FBN1: variants seen among roughly 807,000 people sequenced by gnomAD.
FBN1 encodes the protein fibrillin 1.
Under a neutral mutation model 365.1 loss-of-function variants are expected in FBN1, and 29 were observed. The observed-to-expected ratio is 0.08, with a 90% CI of 0.06 to 0.11. The LOEUF (loss-of-function observed/expected upper bound fraction) is 0.11. Among genes scored for constraint, FBN1 ranks in the 10% least tolerant of loss-of-function variants. FBN1 has a pLI of 1.00. For synonymous variants in FBN1, 1,210 were observed against 1,270.5 expected (o/e 0.95, Z 1.01); for missense variants, 2,476 against 3,703.2 (o/e 0.67, Z 8.60).
In FBN1 at chr15:48,410,653, C is replaced by G; in HGVS notation, c.*337G>C. On this transcript the variant is annotated 3_prime_UTR_variant, in exon 66 of 66. Coordinates refer to ENST00000316623, the MANE Select transcript of FBN1 (RefSeq NM_000138.5). ...ACAAATTTGCAAAAAATAGAGTAGTCCATCAATTGAAAGCACATTCCCGTA... is the reference window on the plus strand; with the variant it reads ...ACAAATTTGCAAAAAATAGAGTAGTGCATCAATTGAAAGCACATTCCCGTA... 3.7e-6 allele frequency: 1 copy of G among 272,022 alleles called. No individual in the cohort carries two copies. The allele number at this position is 272,022 out of a possible 1,614,324, so 16.9% of individuals were successfully genotyped here.
chr15:48,477,570 G>A (rs1378364726), intron 32 of FBN1, among the ~76,000 whole-genome samples: 1 of 152,122 alleles, frequency 6.6e-6, no homozygotes, highest in Non-Finnish European at 1.5e-5. Flanking sequence ...TGTTTCTGTG[G>A]CAGACTTGGA....
At chr15:48,616,491 C>A (rs1889656353) in intron 2 of FBN1, among the ~76,000 whole-genome samples, 1 of 152,122 alleles carries the variant, frequency 6.6e-6, no homozygotes, top group African/African-American at 2.4e-5. Flanking sequence ...AGCTCTAATT[C>A]TGGAAATAAA....
At chr15:48,479,338 T>C (rs1299495512) in intron 32 of FBN1, among the ~76,000 whole-genome samples, 1 of 152,208 alleles carries the variant, frequency 6.6e-6, no homozygotes, top group Non-Finnish European at 1.5e-5. Context: ...GTCAGGGCTG[T>C]TACTTACCCA....
At chr15:48,484,974 G>A (rs557814590) in intron 30 of FBN1, among the ~76,000 whole-genome samples, 3 of 152,114 alleles carry the variant, frequency 2.0e-5, no homozygotes, top group Non-Finnish European at 2.9e-5. Context: ...TTTCTGATAC[G>A]GTAGATCTGG....
chr15:48,584,113 A>T (rs1320016135), intron 6 of FBN1, among the ~76,000 whole-genome samples: 1 of 152,192 alleles, frequency 6.6e-6, no homozygotes, highest in African/African-American at 2.4e-5. Context: ...TTTTCATGTG[A>T]ATTTAAAATA....
At chr15:48,596,422 A>G (rs2044516678) in intron 5 of FBN1, 44 bp from the exon 6 acceptor site, 1 of 1,552,510 alleles carries the variant, frequency 6.4e-7, no homozygotes, top group Non-Finnish European at 8.9e-7. Flanking sequence ...CTGAAAATAA[A>G]TGCTAATGAA....
chr15:48,606,558 T>G (rs568283793), intron 4 of FBN1, among the ~76,000 whole-genome samples: 4 of 152,168 alleles, frequency 2.6e-5, no homozygotes, highest in Admixed American at 1.3e-4. Context: ...GTAGAACAGA[T>G]TAGTGGTTGT....
intron 18 of FBN1, 50 bp downstream of exon 18, chr15:48,498,935 T>C: frequency 1.3e-6 from 2 of 1,557,560 alleles, no homozygotes; most frequent in Non-Finnish European, 1.8e-6. Flanking sequence ...GAAAGCCTGA[T>C]GCTGCCTCTG....
At chr15:48,432,744 ATT>A in intron 55 of FBN1, 120 bp downstream of exon 55, 1 of 1,307,502 alleles carries the variant, frequency 7.6e-7, no homozygotes, top group African/African-American at 1.4e-5. Flanking sequence ...CAACCCCCGT[ATT>A]GTCCACGGAC....
At chr15:48,432,089 G>C (rs936598217) in intron 55 of FBN1, among the ~76,000 whole-genome samples, 1 of 151,866 alleles carries the variant, frequency 6.6e-6, no homozygotes, top group African/African-American at 2.4e-5. Flanking sequence ...GGACTTGGTT[G>C]GGCCTTCCTC....
intron 26 of FBN1, 38 bp downstream of exon 26, chr15:48,488,330 A>C (rs760112596): frequency 6.2e-7 from 1 of 1,614,194 alleles, no homozygotes; most frequent in South Asian, 1.1e-5. Context: ...GTTTTAAAGG[A>C]CGTCCCCTCT....
intron 4 of FBN1, among the ~76,000 whole-genome samples, chr15:48,607,527 T>TATA (rs34734641): frequency 6.8e-6 from 1 of 146,524 alleles, no homozygotes; most frequent in Non-Finnish European, 1.5e-5. Flanking sequence ...AGTATCCTTA[T>TATA]AAAAAAAAAA....
chr15:48,484,102 T>C (rs1391297332), intron 30 of FBN1, among the ~76,000 whole-genome samples, 159 bp from the exon 31 acceptor site: 1 of 152,204 alleles, frequency 6.6e-6, no homozygotes, highest in Non-Finnish European at 1.5e-5. Context: ...GCCCATTGGG[T>C]TATCCTTGGT....
At chr15:48,543,629 A>G (rs921758248) in intron 6 of FBN1, among the ~76,000 whole-genome samples, 2 of 152,198 alleles carry the variant, frequency 1.3e-5, no homozygotes, top group African/African-American at 2.4e-5. Flanking sequence ...AACATGTGAT[A>G]TTTTCTAAGG....
chr15:48,641,129 A>G (rs1890189647), intron 2 of FBN1: 1 of 152,208 alleles, frequency 6.6e-6, no homozygotes, highest in African/African-American at 2.4e-5. Flanking sequence ...AGAAAAATGC[A>G]ATTTTTGCAG....
rs549772092 is a variant in FBN1 at position 48,578,775 on chromosome 15, A to T, written c.538+17508T>A. Among the ~76,000 whole-genome samples the T allele has an allele frequency of 7.7e-5, 11 of 142,466 alleles. No homozygotes were observed. In the East Asian group the frequency reaches 2.3e-3, roughly 29 times the overall value. The allele number at this position is 142,466 out of a possible 152,430, so 93.5% of individuals were successfully genotyped here. A position where few individuals can be genotyped will look rare whatever the true frequency, so the allele number is the denominator to read the frequency against. Reference sequence around the variant, plus strand: ...GCAAGAACAAAAAACCAAACACCGCATATTCTCACTCATAGGTGGGAATTG... The same window carrying T: ...GCAAGAACAAAAAACCAAACACCGCTTATTCTCACTCATAGGTGGGAATTG... On this transcript the variant is annotated intron_variant, in intron 6 of 65. Transcript: ENST00000316623.
At chr15:48,589,585 C>CTGCTATCT (rs2044460859) in intron 6 of FBN1, among the ~76,000 whole-genome samples, 1 of 151,522 alleles carries the variant, frequency 6.6e-6, no homozygotes, top group African/African-American at 2.4e-5. Flanking sequence ...CATTGTGCCC[C>CTGCTATCT]TGCTATCTAC....
intron 6 of FBN1, among the ~76,000 whole-genome samples, chr15:48,542,781 A>ATATGTG (rs1398899180): frequency 5.4e-5 from 7 of 130,572 alleles, no homozygotes; most frequent in African/African-American, 9.7e-5. Context: ...GGACTCTAAG[A>ATATGTG]TGTGTGTGTG....
At chr15:48,618,984 G>A (rs1340164057) in intron 2 of FBN1, among the ~76,000 whole-genome samples, 2 of 152,144 alleles carry the variant, frequency 1.3e-5, no homozygotes, top group Non-Finnish European at 2.9e-5. Flanking sequence ...ACGGTGAGTT[G>A]TATAATTATC....
Sources: gnomAD v4.1 joint callset for allele counts (sites outside exome capture counted in the v4.1 genomes callset) on GRCh38, gnomAD v4.1.1 for gene constraint, MANE v1.5 for transcripts, NCBI Gene and HGNC (gene_info 2026-07-23, HGNC 2026-07-21) for gene names.